Variants in NTRK2 observed in about 807,000 individuals in gnomAD.
NTRK2 encodes BDNF/NT-3 growth factors receptor.
NTRK2 carries 13 observed loss-of-function variants against 94.5 expected under a neutral mutation model. The observed-to-expected ratio is 0.14, with a 90% CI of 0.09 to 0.22. The LOEUF is 0.22. Among genes scored for constraint, NTRK2 ranks in the 10% least tolerant of loss-of-function variants. NTRK2 has a pLI of 1.00. For missense variants in NTRK2, 639 were observed against 1,071.2 expected (o/e 0.60, Z 5.63); for synonymous variants, 372 against 407.4 (o/e 0.91, Z 1.05).
intron 12 of NTRK2, chr9:84,810,849 T>C: frequency 7.7e-7 from 1 of 1,304,860 alleles, no homozygotes; most frequent in South Asian, 2.6e-5. Flanking sequence ...CTTCTCTTCT[T>C]ACAGTAGTTC....
chr9:84,842,217 T>C (rs2074227070), intron 12 of NTRK2, among the ~76,000 whole-genome samples: 1 of 152,142 alleles, frequency 6.6e-6, no homozygotes. Flanking sequence ...TGCAACTCCG[T>C]TCCTCGTGAA....
In NTRK2 at chr9:85,017,053, T is replaced by C. The variant is rs1434595032; in HGVS notation, c.2173-3153T>C. Among the ~76,000 whole-genome samples the C allele has an allele frequency of 2.6e-5, 4 of 152,184 alleles. 1 individual carries two copies. The highest frequency in any genetic ancestry group is 7.2e-5 in the African/African-American group (3 of 41,446). ...TAGAGAACCAGTATCAGGTTTTCTATCTTGCATTGCTAATGACCAAAAAAA... is the reference window on the plus strand; with the variant it reads ...TAGAGAACCAGTATCAGGTTTTCTACCTTGCATTGCTAATGACCAAAAAAA... On this transcript the variant is annotated intron_variant, in intron 17 of 18. Coordinates refer to ENST00000277120, the MANE Select transcript of NTRK2 (RefSeq NM_006180.6).
intron 12 of NTRK2, among the ~76,000 whole-genome samples, chr9:84,780,899 G>T (rs2067498155): frequency 6.6e-6 from 1 of 152,118 alleles, no homozygotes; most frequent in African/African-American, 2.4e-5. Context: ...AATTTCAGGG[G>T]TATGGCAGAC....
chr9:84,898,115 A>G (rs2076815064), intron 14 of NTRK2, among the ~76,000 whole-genome samples: 3 of 151,408 alleles, frequency 2.0e-5, no homozygotes, highest in African/African-American at 7.3e-5. Context: ...TCTTTATAAG[A>G]CAGATTCACT....
intron 17 of NTRK2, among the ~76,000 whole-genome samples, chr9:84,991,751 A>T (rs1043357697): frequency 2.0e-5 from 3 of 152,106 alleles, no homozygotes; most frequent in African/African-American, 7.2e-5. Context: ...AAAGTCGGCC[A>T]ATTAGTATGC....
chr9:84,940,337 C>G (rs2078364246), intron 15 of NTRK2, among the ~76,000 whole-genome samples: 1 of 152,134 alleles, frequency 6.6e-6, no homozygotes, highest in African/African-American at 2.4e-5. Context: ...CTGAGGCAGC[C>G]CTGGTGACTG....
At chr9:85,010,809 C>T (rs947146278) in intron 17 of NTRK2, among the ~76,000 whole-genome samples, 1 of 152,154 alleles carries the variant, frequency 6.6e-6, no homozygotes. Context: ...ACTTGCTCCC[C>T]ATTAGAGCCA....
At chr9:84,749,543 G>A (rs922526372) in intron 11 of NTRK2, among the ~76,000 whole-genome samples, 1 of 152,200 alleles carries the variant, frequency 6.6e-6, no homozygotes, top group African/African-American at 2.4e-5. Flanking sequence ...TCCAAGCTCA[G>A]AAGGTGTGAC....
chr9:84,859,812 T>C (rs1362127618), intron 12 of NTRK2, among the ~76,000 whole-genome samples: 1 of 152,256 alleles, frequency 6.6e-6, no homozygotes, highest in Non-Finnish European at 1.5e-5. Context: ...CTCCCTAGAC[T>C]AACAGCTCCA....
At chr9:84,973,501 C>T (rs59218550) in intron 17 of NTRK2, among the ~76,000 whole-genome samples, 33,016 of 152,110 alleles carry the variant, frequency 0.22, 4,306 homozygotes, top group African/African-American at 0.36. Flanking sequence ...ACAGGTTCCT[C>T]ATTCTCAAAA....
At chr9:84,924,273 AAGAAAGAAAGAAAGAAAGAAAG>A in intron 14 of NTRK2, among the ~76,000 whole-genome samples, 1 of 151,344 alleles carries the variant, frequency 6.6e-6, no homozygotes, top group South Asian at 2.1e-4. Flanking sequence ...GAAAGAAAGA[AAGAAAGAAAGAAAGAAAGAAAG>A]AGGAAAAAAA....
At chr9:85,020,058 G>A in intron 17 of NTRK2, 148 bp from the exon 18 acceptor site, 1 of 820,632 alleles carries the variant, frequency 1.2e-6, no homozygotes, top group African/African-American at 1.7e-5. Context: ...GCTTGAGACT[G>A]TGAAGAAGTC....
chr9:84,877,909 G>C (rs1292434682), intron 14 of NTRK2: 4 of 1,020,126 alleles, frequency 3.9e-6, no homozygotes, highest in Middle Eastern at 4.7e-4. Context: ...TGTGGTCTCT[G>C]TTGCCTACTT....
intron 14 of NTRK2, among the ~76,000 whole-genome samples, chr9:84,909,975 T>A (rs76998004): frequency 0.044 from 6,762 of 152,280 alleles, 333 homozygotes; most frequent in East Asian, 0.19. Flanking sequence ...GTTTTGTGCT[T>A]TTGGTTGTCA....
At chr9:84,778,789 C>G (rs568106183) in intron 12 of NTRK2, among the ~76,000 whole-genome samples, 4 of 152,324 alleles carry the variant, frequency 2.6e-5, no homozygotes, top group African/African-American at 7.2e-5. Flanking sequence ...TGTGCCTTCA[C>G]GGACACCGTG....
At chr9:84,689,263 C>CG (rs2059902018) in intron 2 of NTRK2, among the ~76,000 whole-genome samples, 1 of 152,242 alleles carries the variant, frequency 6.6e-6, no homozygotes, top group African/African-American at 2.4e-5. Context: ...CGCTGGTTCC[C>CG]TTATGGCAAC....
At chr9:84,882,697 A>AGTGTGTGTGTGTGT (rs71847053) in intron 14 of NTRK2, among the ~76,000 whole-genome samples, 13 of 149,704 alleles carry the variant, frequency 8.7e-5, no homozygotes, top group African/African-American at 3.2e-4. Context: ...CTTTTGTTCT[A>AGTGTGTGTGTGTGT]GTGTGTGTGT....
intron 14 of NTRK2, among the ~76,000 whole-genome samples, chr9:84,869,087 TC>T (rs527266381): frequency 6.6e-6 from 1 of 152,076 alleles, no homozygotes; most frequent in Non-Finnish European, 1.5e-5. Context: ...ACAAATGAGA[TC>T]CTCTAGTCAA....
rs564886062 is a variant in NTRK2 at position 84,714,819 on chromosome 9, CT to C, written c.583+4035del. On this transcript the variant is annotated intron_variant, in intron 6 of 18. Coordinates refer to ENST00000277120, the MANE Select transcript of NTRK2 (RefSeq NM_006180.6). Reference sequence around the variant, plus strand: ...ATTTGAAGTTCATCTTATTTCCACACTTTTTTTGGGGGTAAAACTTTTTAGC... The same window carrying C: ...ATTTGAAGTTCATCTTATTTCCACACTTTTTTGGGGGTAAAACTTTTTAGC... Among the ~76,000 whole-genome samples, 37 of 152,226 alleles carry C rather than the reference CT, an allele frequency of 2.4e-4. No individual in the cohort carries two copies. The South Asian group carries it at 6.6e-3, about 27-fold the overall frequency.
Sources: allele counts gnomAD v4.1 joint callset (sites outside exome capture counted in the v4.1 genomes callset), GRCh38; gene constraint gnomAD v4.1.1; transcripts MANE v1.5; gene names NCBI Gene and HGNC (gene_info 2026-07-23, HGNC 2026-07-21).